The following TAFA1 variants were observed in gnomAD, a reference collection of about 807,000 sequenced individuals.
TAFA1 encodes the protein chemokine-like protein TAFA-1.
In TAFA1, 4 loss-of-function variants were observed where a neutral mutation model predicts 18.5. The ratio of observed to expected loss-of-function variants is 0.22; its 90% CI spans 0.11 to 0.49. The LOEUF (loss-of-function observed/expected upper bound fraction) is 0.49. Ranked by LOEUF, TAFA1 falls within the 20% of genes least tolerant of loss-of-function variation. The probability of loss-of-function intolerance (pLI) is 0.98; values close to 1 mark genes in which losing one functional copy is unlikely to be tolerated. For missense variants in TAFA1, 147 were observed against 169.0 expected (o/e 0.87, Z 0.72); for synonymous variants, 56 against 55.2 (o/e 1.01, Z -0.06).
intron 2 of TAFA1, among the ~76,000 whole-genome samples, chr3:68,301,103 C>T (rs2068296400): frequency 6.6e-6 from 1 of 152,018 alleles, no homozygotes; most frequent in African/African-American, 2.4e-5. Context: ...TTTTAAAAAA[C>T]AATATTTAAA....
At chr3:68,177,998 G>A (rs59475099) in intron 2 of TAFA1, among the ~76,000 whole-genome samples, 1 of 152,084 alleles carries the variant, frequency 6.6e-6, no homozygotes, top group African/African-American at 2.4e-5. Flanking sequence ...CAAAAAATTA[G>A]CCTGGTGTGG....
rs575586033 is a variant in TAFA1 at position 68,246,755 on chromosome 3, G to A, written c.119-170525G>A. 4 of 152,226 alleles carry A rather than the reference G, an allele frequency of 2.6e-5. No individual in the cohort carries two copies. The South Asian group carries it at 8.3e-4, about 32-fold the overall frequency. The allele number at this position is 152,226 out of a possible 1,614,324, so 9.4% of individuals were successfully genotyped here. ...ATCGCTTCTGTTGCATCATAGTGAA[G>A]TAGTTCCACAGGTGTTTCTGCTCGG... On this transcript the variant is annotated intron_variant, in intron 2 of 4. Coordinates refer to ENST00000478136, the MANE Select transcript of TAFA1 (RefSeq NM_213609.4).
chr3:68,361,195 A>G (rs1207687448), intron 2 of TAFA1, among the ~76,000 whole-genome samples: 1 of 152,082 alleles, frequency 6.6e-6, no homozygotes, highest in Non-Finnish European at 1.5e-5. Flanking sequence ...TCATGCAGCA[A>G]CATTGATGGA....
At chr3:68,532,398 C>G (rs923189823) in intron 3 of TAFA1, among the ~76,000 whole-genome samples, 1 of 152,128 alleles carries the variant, frequency 6.6e-6, no homozygotes, top group Non-Finnish European at 1.5e-5. Flanking sequence ...CTCTGTCAGA[C>G]TTTAAAAGTG....
At chr3:68,490,879 A>G (rs1248079019) in intron 3 of TAFA1, among the ~76,000 whole-genome samples, 2 of 151,186 alleles carry the variant, frequency 1.3e-5, no homozygotes, top group Non-Finnish European at 2.9e-5. Context: ...TACTCTGTCA[A>G]CCCAGGCTGG....
chr3:68,117,789 A>G (rs1278858345), intron 2 of TAFA1, among the ~76,000 whole-genome samples: 3 of 152,262 alleles, frequency 2.0e-5, no homozygotes, highest in African/African-American at 4.8e-5. Flanking sequence ...AAGTTTTCAT[A>G]TAGTTAAAAT....
chr3:68,453,373 C>G (rs2071599803), intron 3 of TAFA1, among the ~76,000 whole-genome samples: 1 of 152,132 alleles, frequency 6.6e-6, no homozygotes, highest in Non-Finnish European at 1.5e-5. Flanking sequence ...AATTCTTCTT[C>G]AAGTCACTTT....
intron 2 of TAFA1, among the ~76,000 whole-genome samples, chr3:68,234,868 A>G (rs2066910427): frequency 6.6e-6 from 1 of 152,192 alleles, no homozygotes; most frequent in Admixed American, 6.5e-5. Flanking sequence ...GATTCAAACA[A>G]TGTAGTTTGA....
At chr3:68,450,251 T>C (rs1345192513) in intron 3 of TAFA1, among the ~76,000 whole-genome samples, 1 of 152,210 alleles carries the variant, frequency 6.6e-6, no homozygotes, top group African/African-American at 2.4e-5. Flanking sequence ...AGGCTGTTTA[T>C]GATTCATTCA....
intron 2 of TAFA1, among the ~76,000 whole-genome samples, chr3:68,407,183 A>G (rs1242106681): frequency 6.6e-6 from 1 of 152,180 alleles, no homozygotes; most frequent in African/African-American, 2.4e-5. Context: ...TTTCCCACCA[A>G]TAATTCTGAC....
intron 2 of TAFA1, among the ~76,000 whole-genome samples, chr3:68,324,600 A>T (rs1051957551): frequency 1.1e-4 from 16 of 152,244 alleles, no homozygotes; most frequent in African/African-American, 3.8e-4. Context: ...AATGCTCACA[A>T]GTATTTGGTT....
At chr3:68,154,857 G>A (rs1169370853) in intron 2 of TAFA1, among the ~76,000 whole-genome samples, 1 of 152,110 alleles carries the variant, frequency 6.6e-6, no homozygotes, top group Non-Finnish European at 1.5e-5. Context: ...CAAACATAAT[G>A]GAGGAAGAGA....
At chr3:68,287,921 GC>G (rs2068042669) in intron 2 of TAFA1, among the ~76,000 whole-genome samples, 3 of 95,154 alleles carry the variant, frequency 3.2e-5, no homozygotes, top group Non-Finnish European at 4.6e-5. Flanking sequence ...GGGTGGGGGG[GC>G]TTTTTGAAAA....
chr3:68,106,617 G>A (rs922745333), intron 2 of TAFA1, among the ~76,000 whole-genome samples: 5 of 151,986 alleles, frequency 3.3e-5, no homozygotes, highest in Admixed American at 6.6e-5. Flanking sequence ...AAAAATCTAT[G>A]CTTTATAAAA....
intron 2 of TAFA1, among the ~76,000 whole-genome samples, chr3:68,275,086 G>A (rs1348513076): frequency 6.6e-6 from 1 of 151,680 alleles, no homozygotes; most frequent in African/African-American, 2.4e-5. Context: ...GCAGGATAAA[G>A]TTAATTGAGA....
At chr3:68,005,088 G>A (rs1218002356) in intron 1 of TAFA1, among the ~76,000 whole-genome samples, 1 of 151,970 alleles carries the variant, frequency 6.6e-6, no homozygotes, top group African/African-American at 2.4e-5. Context: ...TTCACAAGCA[G>A]TAAATACATC....
chr3:68,466,749 A>T (rs948753441), intron 3 of TAFA1, among the ~76,000 whole-genome samples: 8 of 152,162 alleles, frequency 5.3e-5, no homozygotes, highest in African/African-American at 1.9e-4. Flanking sequence ...TCATACTAAG[A>T]TCATGGTTTA....
chr3:68,107,374 G>A (rs956864905), intron 2 of TAFA1, among the ~76,000 whole-genome samples: 1 of 151,952 alleles, frequency 6.6e-6, no homozygotes, highest in Non-Finnish European at 1.5e-5. Flanking sequence ...GCCCCAAACT[G>A]GAAACAATGG....
At chr3:68,403,483 T>C (rs915047383) in intron 2 of TAFA1, among the ~76,000 whole-genome samples, 3 of 152,232 alleles carry the variant, frequency 2.0e-5, no homozygotes, top group East Asian at 1.9e-4. Flanking sequence ...CAAACTGGCC[T>C]GTAGGCCAAA....
Sources: gnomAD v4.1 joint callset for allele counts (sites outside exome capture counted in the v4.1 genomes callset) on GRCh38, gnomAD v4.1.1 for gene constraint, MANE v1.5 for transcripts, NCBI Gene and HGNC (gene_info 2026-07-23, HGNC 2026-07-21) for gene names.